Variants in LOC128125822 observed in about 807,000 individuals in gnomAD.
At chr6:63,573,172 CGGA>C in the LOC128125822 span, 2 of 154,318 alleles carry the variant, frequency 1.3e-5, no homozygotes, top group Non-Finnish European at 2.9e-5. Flanking sequence ...TTTGTTCGGC[CGGA>C]GGAGAGTGGC....
At chr6:63,578,312 A>G in the LOC128125822 span, 1 of 1,174,246 alleles carries the variant, frequency 8.5e-7, no homozygotes, top group Non-Finnish European at 1.1e-6. Flanking sequence ...AATGGATTCT[A>G]GCATTCTTTA....
At chr6:63,580,907 A>G in the LOC128125822 span, 2 of 152,726 alleles carry the variant, frequency 1.3e-5, no homozygotes, top group East Asian at 3.9e-4. Flanking sequence ...TCTGAGGTGC[A>G]ACTTAACAGG....
the LOC128125822 span, chr6:63,576,862 G>GT: frequency 1.3e-6 from 2 of 1,594,998 alleles, no homozygotes; most frequent in South Asian, 1.1e-5. Flanking sequence ...CCTATTGAGT[G>GT]TTTTTTAACT....
chr6:63,576,270 T>C, the LOC128125822 span, among the ~76,000 whole-genome samples: 1 of 152,168 alleles, frequency 6.6e-6, no homozygotes, highest in Non-Finnish European at 1.5e-5. Flanking sequence ...ATTGATTTAA[T>C]CTGTACTCAC....
At chr6:63,572,767 G>A in the LOC128125822 span, 7 of 398,290 alleles carry the variant, frequency 1.8e-5, no homozygotes, top group African/African-American at 6.2e-5. Flanking sequence ...ATCCACGACC[G>A]GCCCCCCATC....
chr6:63,576,773 T>G, the LOC128125822 span: 16 of 831,592 alleles, frequency 1.9e-5, no homozygotes, highest in Non-Finnish European at 3.0e-5. Context: ...GCACTGAGAA[T>G]TTCAAGTGGA....
At chr6:63,579,178 G>A in the LOC128125822 span, 5 of 1,461,682 alleles carry the variant, frequency 3.4e-6, no homozygotes, top group South Asian at 2.5e-5. Flanking sequence ...ATACTTCTGA[G>A]TTGGGGAATG....
chr6:63,582,688 T>G, the LOC128125822 span: 3 of 152,246 alleles, frequency 2.0e-5, no homozygotes, highest in South Asian at 2.1e-4. Flanking sequence ...GCAACCATAA[T>G]GTTGATGTAA....
chr6:63,576,811 T>C, the LOC128125822 span: 1 of 1,259,618 alleles, frequency 7.9e-7, no homozygotes, highest in South Asian at 1.3e-5. Context: ...TCAGTTTCTT[T>C]GCATCATTTC....
chr6:63,577,051 A>G, the LOC128125822 span: 3 of 1,305,104 alleles, frequency 2.3e-6, no homozygotes, highest in Non-Finnish European at 3.2e-6. Context: ...TATAGCTAAC[A>G]AAATAAAAAC....
chr6:63,572,914 G>C, the LOC128125822 span, among the ~76,000 whole-genome samples: 1 of 152,090 alleles, frequency 6.6e-6, no homozygotes, highest in Non-Finnish European at 1.5e-5. Flanking sequence ...GGAGGCAGAT[G>C]CCGGGCCCCT....
chr6:63,581,045 TTTGTTA>T, the LOC128125822 span: 2 of 152,186 alleles, frequency 1.3e-5, no homozygotes, highest in Non-Finnish European at 2.9e-5. Context: ...GTAGAGATGC[TTTGTTA>T]TTGTAATCAT....
At chr6:63,575,934 A>C in the LOC128125822 span, among the ~76,000 whole-genome samples, 1 of 152,086 alleles carries the variant, frequency 6.6e-6, no homozygotes, top group Non-Finnish European at 1.5e-5. Flanking sequence ...GAGTTAAGTA[A>C]ATTATGCAAG....
At chr6:63,579,900 ACTGATGTGC>A in the LOC128125822 span, among the ~76,000 whole-genome samples, 1 of 152,216 alleles carries the variant, frequency 6.6e-6, no homozygotes, top group African/African-American at 2.4e-5. Context: ...TTCCATTTAC[ACTGATGTGC>A]CTGTTCATAT....
At chr6:63,579,097 A>C in the LOC128125822 span, 4 of 1,436,744 alleles carry the variant, frequency 2.8e-6, no homozygotes, top group Middle Eastern at 2.0e-4. Context: ...AACTTGAAAA[A>C]TTCTTATAAT....
At chr6:63,575,091 T>G in the LOC128125822 span, among the ~76,000 whole-genome samples, 2 of 152,358 alleles carry the variant, frequency 1.3e-5, no homozygotes, top group Middle Eastern at 6.8e-3. Flanking sequence ...ATAAGAATTA[T>G]TCTTCAAAAT....
chr6:63,579,062 A>ATCAATTTGATTCATT, the LOC128125822 span: 21 of 1,535,934 alleles, frequency 1.4e-5, no homozygotes, highest in Middle Eastern at 1.8e-4. Flanking sequence ...TCTAGGTAAA[A>ATCAATTTGATTCATT]ATCTATTGAT....
At chr6:63,574,134 C>G in the LOC128125822 span, among the ~76,000 whole-genome samples, 1 of 152,178 alleles carries the variant, frequency 6.6e-6, no homozygotes, top group African/African-American at 2.4e-5. Flanking sequence ...AACTAGAAAA[C>G]TAAATCATTC....
At chr6:63,573,939 T>G in the LOC128125822 span, among the ~76,000 whole-genome samples, 6 of 152,292 alleles carry the variant, frequency 3.9e-5, no homozygotes, top group South Asian at 1.2e-3. Context: ...AATATGTTGT[T>G]GCCTCCTGTT....
Sources: gnomAD v4.1 joint callset for allele counts (sites outside exome capture counted in the v4.1 genomes callset) on GRCh38, gnomAD v4.1.1 for gene constraint, MANE v1.5 for transcripts.